BACH2: variants seen among roughly 807,000 people sequenced by gnomAD.
The protein encoded by BACH2 is transcription regulator protein BACH2.
Under a neutral mutation model 61.8 loss-of-function variants are expected in BACH2, and 5 were observed. That is an observed-to-expected ratio of 0.08 (90% CI 0.04 to 0.17). The LOEUF (loss-of-function observed/expected upper bound fraction) is 0.17. Ranked by LOEUF, BACH2 falls within the 10% of genes least tolerant of loss-of-function variation. BACH2 has a pLI of 1.00. For synonymous variants in BACH2, 446 were observed against 440.1 expected, an observed-to-expected ratio of 1.01 and a Z score of -0.17; for missense variants, 824 against 1,091.1, an observed-to-expected ratio of 0.76 and a Z score of 3.45.
intron 6 of BACH2, among the ~76,000 whole-genome samples, chr6:89,980,230 G>T (rs1056910454): frequency 1.3e-5 from 2 of 151,882 alleles, no homozygotes; most frequent in African/African-American, 4.8e-5. Context: ...GGAGGCAGAG[G>T]TTGCAGTGAG....
At chr6:90,290,900 T>C (rs1366999403) in intron 1 of BACH2, among the ~76,000 whole-genome samples, 1 of 152,004 alleles carries the variant, frequency 6.6e-6, no homozygotes, top group Non-Finnish European at 1.5e-5. Context: ...CAGGCACACA[T>C]GAAGAGAATA....
chr6:90,232,955 A>G (rs1324373874), intron 3 of BACH2, among the ~76,000 whole-genome samples: 1 of 152,164 alleles, frequency 6.6e-6, no homozygotes, highest in East Asian at 1.9e-4. Flanking sequence ...ATACAGGTGT[A>G]TTATTCAACA....
At chr6:90,245,556 C>A (rs1181285524) in intron 3 of BACH2, among the ~76,000 whole-genome samples, 1 of 152,158 alleles carries the variant, frequency 6.6e-6, no homozygotes, top group Admixed American at 6.5e-5. Flanking sequence ...AGAACGAGAT[C>A]CCATCTCTGA....
chr6:90,165,935 A>T (rs2127835068), intron 4 of BACH2, among the ~76,000 whole-genome samples: 1 of 152,334 alleles, frequency 6.6e-6, no homozygotes, highest in South Asian at 2.1e-4. Flanking sequence ...TTAAAATGTT[A>T]GACCTAAAAC....
intron 2 of BACH2, among the ~76,000 whole-genome samples, chr6:90,261,947 G>A (rs1771172741): frequency 6.6e-6 from 1 of 152,102 alleles, no homozygotes; most frequent in South Asian, 2.1e-4. Context: ...ACTTCTGTAG[G>A]AGCAGAGTGA....
chr6:90,156,452 A>G (rs1784999192), intron 4 of BACH2, among the ~76,000 whole-genome samples: 1 of 152,170 alleles, frequency 6.6e-6, no homozygotes, highest in African/African-American at 2.4e-5. Flanking sequence ...TCTACATGGC[A>G]TGGCCAAAAA....
chr6:89,962,731 T>C (rs1190221872), intron 6 of BACH2, among the ~76,000 whole-genome samples: 2 of 152,170 alleles, frequency 1.3e-5, no homozygotes, highest in Admixed American at 1.3e-4. Context: ...TAAAAATCTG[T>C]TTAAAAATGT....
At chr6:90,061,915 T>A (rs533800519) in intron 5 of BACH2, among the ~76,000 whole-genome samples, 2 of 152,150 alleles carry the variant, frequency 1.3e-5, no homozygotes, top group East Asian at 3.9e-4. Context: ...AGGAGATGAG[T>A]CTAGATAATA....
At chr6:90,289,657 C>CA (rs1012976592) in intron 1 of BACH2, among the ~76,000 whole-genome samples, 4 of 151,760 alleles carry the variant, frequency 2.6e-5, no homozygotes, top group African/African-American at 9.7e-5. Context: ...AGAAAAATAG[C>CA]AAAAAACAAA....
At chr6:90,215,355 C>T (rs1041294718) in intron 3 of BACH2, among the ~76,000 whole-genome samples, 3 of 152,098 alleles carry the variant, frequency 2.0e-5, no homozygotes, top group African/African-American at 7.2e-5. Context: ...AATCTTCTTG[C>T]CCCCCTTTCA....
At chr6:90,116,884 AG>A in intron 4 of BACH2, 1 of 624,112 alleles carries the variant, frequency 1.6e-6, no homozygotes, top group Non-Finnish European at 2.4e-6. Context: ...TCCAGGACCA[AG>A]GGATGTCTTT....
intron 4 of BACH2, among the ~76,000 whole-genome samples, chr6:90,103,960 G>C (rs1387396054): frequency 6.6e-6 from 1 of 152,192 alleles, no homozygotes; most frequent in Admixed American, 6.5e-5. Flanking sequence ...TGTAGATGCA[G>C]ACAATGAAGT....
At chr6:89,956,206 A>G (rs1774417043) in intron 6 of BACH2, among the ~76,000 whole-genome samples, 1 of 152,192 alleles carries the variant, frequency 6.6e-6, no homozygotes, top group Non-Finnish European at 1.5e-5. Context: ...TTAAATATGT[A>G]ACTACCTGGT....
At chr6:90,271,175 C>T (rs1398508837) in intron 2 of BACH2, among the ~76,000 whole-genome samples, 1 of 151,748 alleles carries the variant, frequency 6.6e-6, no homozygotes, top group African/African-American at 2.4e-5. Context: ...AAAGTTCATG[C>T]CTAAGAACCC....
At chr6:89,978,737 T>C (rs1775791580) in intron 6 of BACH2, among the ~76,000 whole-genome samples, 1 of 151,818 alleles carries the variant, frequency 6.6e-6, no homozygotes, top group African/African-American at 2.4e-5. Flanking sequence ...CAAAGAAAAG[T>C]TGAACAAAAT....
intron 3 of BACH2, among the ~76,000 whole-genome samples, chr6:90,230,621 T>G (rs1562517238): frequency 6.6e-6 from 1 of 152,216 alleles, no homozygotes; most frequent in Non-Finnish European, 1.5e-5. Context: ...TTTTTTCTCT[T>G]TCTTTTAATT....
chr6:89,993,224 TATA>T (rs1700309099), intron 6 of BACH2, among the ~76,000 whole-genome samples: 1 of 152,172 alleles, frequency 6.6e-6, no homozygotes, highest in Non-Finnish European at 1.5e-5. Context: ...GAACTAATAA[TATA>T]CATGTATTAG....
At chr6:89,935,622 A>G (rs2128353188) in intron 8 of BACH2, among the ~76,000 whole-genome samples, 1 of 152,348 alleles carries the variant, frequency 6.6e-6, no homozygotes, top group East Asian at 1.9e-4. Flanking sequence ...GGGATGCCAA[A>G]AAGTGGTTGG....
chr6:90,234,557 A>C (rs1044007771), intron 3 of BACH2, among the ~76,000 whole-genome samples: 8 of 152,246 alleles, frequency 5.3e-5, no homozygotes, highest in Non-Finnish European at 7.3e-5. Context: ...GGTCACTTTC[A>C]GAAGTGGAAA....
Sources: allele counts gnomAD v4.1 joint callset (sites outside exome capture counted in the v4.1 genomes callset), GRCh38; gene constraint gnomAD v4.1.1; transcripts MANE v1.5; gene names NCBI Gene and HGNC (gene_info 2026-07-23, HGNC 2026-07-21).